Variants in UBE2H observed in about 807,000 individuals in gnomAD.
UBE2H encodes the protein ubiquitin conjugating enzyme E2 H.
In UBE2H, 3 loss-of-function variants were observed where a neutral mutation model predicts 29.0. The observed-to-expected ratio is 0.10, with a 90% confidence interval of 0.05 to 0.27. The LOEUF (loss-of-function observed/expected upper bound fraction) is 0.27. UBE2H is among the 10% of genes least tolerant of loss of function. The pLI, the probability that UBE2H is intolerant of heterozygous loss-of-function variation, is 1.00. For synonymous variants in UBE2H, 69 were observed against 82.9 expected, an observed-to-expected ratio of 0.83 and a Z score of 0.91; for missense variants, 68 against 228.2, an observed-to-expected ratio of 0.30 and a Z score of 4.52.
intron 1 of UBE2H, among the ~76,000 whole-genome samples, chr7:129,905,777 C>CG (rs1249652044): frequency 6.6e-6 from 1 of 152,040 alleles, no homozygotes; most frequent in African/African-American, 2.4e-5. Context: ...ATTCAGCAAT[C>CG]GAGGAATAAG....
chr7:129,896,263 G>C (rs921722983), intron 1 of UBE2H, among the ~76,000 whole-genome samples: 1 of 150,650 alleles, frequency 6.6e-6, no homozygotes, highest in Non-Finnish European at 1.5e-5. Context: ...CTTGAATCTA[G>C]GAGGCAGACG....
chr7:129,835,094 G>A, intron 6 of UBE2H, 33 bp from the exon 7 acceptor site: 1 of 1,613,558 alleles, frequency 6.2e-7, no homozygotes, highest in Non-Finnish European at 8.5e-7. Flanking sequence ...AACAAGGGCA[G>A]TGAGTGGGCA....
chr7:129,857,751 AAAGGGGAAAATAGTAACT>A (rs1394436933), intron 4 of UBE2H, among the ~76,000 whole-genome samples, 188 bp from the exon 5 acceptor site: 2 of 152,226 alleles, frequency 1.3e-5, no homozygotes, highest in East Asian at 3.8e-4. Context: ...TTACAGACTG[AAAGGGGAAAATAGTAACT>A]ATGCAATGGA....
intron 1 of UBE2H, among the ~76,000 whole-genome samples, chr7:129,922,745 A>G (rs1031483390): frequency 6.6e-6 from 1 of 152,126 alleles, no homozygotes; most frequent in African/African-American, 2.4e-5. Flanking sequence ...TATTCTAATT[A>G]TATGTATCTG....
chr7:129,918,585 C>T (rs565616903), intron 1 of UBE2H, among the ~76,000 whole-genome samples: 91 of 152,022 alleles, frequency 6.0e-4, no homozygotes, highest in Admixed American at 1.4e-3. Context: ...CTCAAGTGCC[C>T]GGCCCCAAAA....
In UBE2H at chr7:129,858,757, T is replaced by C; in HGVS notation, c.245+145A>G. The C allele has an allele frequency of 4.2e-6, 3 of 713,120 alleles. No homozygotes were observed. The South Asian group carries it at 5.2e-5, about 12-fold the overall frequency. 44.2% of individuals were successfully genotyped at this position (713,120 alleles called of 1,614,324 possible). ...AAGTGATTGAGAACCTCATATCCTT[T>C]GGATTCTATCATTTACATGACCATT... On this transcript the variant is annotated intron_variant, in intron 4 of 6. Transcript: ENST00000355621.
chr7:129,937,677 T>C (rs1001856788), intron 1 of UBE2H, among the ~76,000 whole-genome samples: 3 of 152,148 alleles, frequency 2.0e-5, no homozygotes, highest in African/African-American at 7.2e-5. Context: ...CCTAGAGAAA[T>C]GGGCAGCAAT....
intron 1 of UBE2H, among the ~76,000 whole-genome samples, chr7:129,900,533 C>T (rs991839231): frequency 6.6e-6 from 1 of 152,028 alleles, no homozygotes; most frequent in Non-Finnish European, 1.5e-5. Flanking sequence ...TCAACCTCAC[C>T]CCCATGTTTC....
intron 1 of UBE2H, among the ~76,000 whole-genome samples, chr7:129,911,386 A>C (rs1270050881): frequency 6.6e-6 from 1 of 152,066 alleles, no homozygotes; most frequent in Non-Finnish European, 1.5e-5. Context: ...AAAAAAAAAA[A>C]AAATGAGGAC....
chr7:129,937,396 G>A lies in UBE2H; in HGVS notation c.53+15107C>T, dbSNP rs568620535. On this transcript the variant is annotated intron_variant, in intron 1 of 6. Transcript: ENST00000355621. ...AATGAAATGAAATTACAGTCTTTAT[G>A]AACCACAAATACAGTTTTTCAGATA... Among the ~76,000 whole-genome samples, 5 of 152,220 alleles carry A rather than the reference G, an allele frequency of 3.3e-5. No individual in the cohort carries two copies. The East Asian group carries it at 5.8e-4, about 18-fold the overall frequency.
At chr7:129,936,648 A>G (rs754312354) in intron 1 of UBE2H, among the ~76,000 whole-genome samples, 6 of 151,234 alleles carry the variant, frequency 4.0e-5, no homozygotes, top group South Asian at 4.2e-4. Flanking sequence ...AAAAAGATAC[A>G]TATGTCCATT....
intron 1 of UBE2H, among the ~76,000 whole-genome samples, chr7:129,883,711 G>A (rs1379114869): frequency 2.6e-5 from 4 of 152,058 alleles, no homozygotes; most frequent in South Asian, 2.1e-4. Context: ...GCGTGGTGGC[G>A]GGTGCCTGTA....
intron 1 of UBE2H, among the ~76,000 whole-genome samples, chr7:129,915,333 G>A (rs774860689): frequency 1.5e-4 from 23 of 152,110 alleles, no homozygotes; most frequent in Admixed American, 3.3e-4. Context: ...TCAGGAGATC[G>A]AGACCATCCT....
At chr7:129,908,298 A>G (rs771564859) in intron 1 of UBE2H, among the ~76,000 whole-genome samples, 1 of 152,232 alleles carries the variant, frequency 6.6e-6, no homozygotes, top group Non-Finnish European at 1.5e-5. Context: ...GTGTCTCCCA[A>G]TCAAGGTTTC....
chr7:129,892,247 C>T (rs927705523), intron 1 of UBE2H, among the ~76,000 whole-genome samples: 1 of 144,262 alleles, frequency 6.9e-6, no homozygotes, highest in African/African-American at 2.6e-5. Flanking sequence ...CCGCACCCGG[C>T]CTCAACCTTT....
rs867777030 is a variant in UBE2H at position 129,900,336 on chromosome 7, T to C, written c.54-19365A>G. 2.0e-4 allele frequency among the ~76,000 whole-genome samples: 31 copies of C among 152,348 alleles called. 1 individual carries two copies. Among genetic ancestry groups the C allele is most frequent in the Middle Eastern group, 3.4e-3 (1 of 294 alleles). ...ACATCCAACATTAATGTAACACATA[T>C]GTTACTCTCCAATTTGCTAAAAGCC... On this transcript the variant is annotated intron_variant, in intron 1 of 6. Coordinates refer to ENST00000355621, the MANE Select transcript of UBE2H (RefSeq NM_003344.4).
At chr7:129,916,655 A>G (rs1807049640) in intron 1 of UBE2H, among the ~76,000 whole-genome samples, 1 of 152,290 alleles carries the variant, frequency 6.6e-6, no homozygotes, top group African/African-American at 2.4e-5. Context: ...CAAAGCCTCA[A>G]GGTTACACAG....
chr7:129,876,638 C>T (rs1806149124), intron 3 of UBE2H, among the ~76,000 whole-genome samples: 1 of 152,200 alleles, frequency 6.6e-6, no homozygotes, highest in South Asian at 2.1e-4. Flanking sequence ...GACTGTTAGC[C>T]ATTTCAAAAA....
chr7:129,926,485 G>A (rs567793777), intron 1 of UBE2H, among the ~76,000 whole-genome samples: 2 of 147,610 alleles, frequency 1.4e-5, no homozygotes, highest in Admixed American at 6.8e-5. Context: ...CTCCGCCTGG[G>A]CAACAAGAGC....
Sources: allele counts gnomAD v4.1 joint callset (sites outside exome capture counted in the v4.1 genomes callset), GRCh38; gene constraint gnomAD v4.1.1; transcripts MANE v1.5; gene names NCBI Gene and HGNC (gene_info 2026-07-23, HGNC 2026-07-21).